SLFNL1: variants seen among roughly 807,000 people sequenced by gnomAD.
The protein encoded by SLFNL1 is schlafen-like protein 1.
A neutral mutation model predicts 32.5 loss-of-function variants in SLFNL1; 26 were observed. The observed-to-expected ratio is 0.80, with a 90% CI of 0.59 to 1.11. The LOEUF (loss-of-function observed/expected upper bound fraction) is 1.11. SLFNL1 is among the 50% of genes least tolerant of loss of function. The pLI, the probability that SLFNL1 is intolerant of heterozygous loss-of-function variation, is 0.00. For synonymous variants in SLFNL1, 255 were observed against 242.2 expected, an observed-to-expected ratio of 1.05 and a Z score of -0.49; for missense variants, 553 against 546.5, an observed-to-expected ratio of 1.01 and a Z score of -0.12.
At chr1:41,016,263 C>T (rs764564439) in intron 5 of SLFNL1, 35 bp from the exon 6 acceptor site, 102 of 1,610,086 alleles carry the variant, frequency 6.3e-5, no homozygotes, top group Non-Finnish European at 7.6e-5. Flanking sequence ...TGGCCAAGCC[C>T]GCCTGGTCTC....
chr1:41,016,991 AGCCACTGCGCCTG>A, intron 5 of SLFNL1: 1 of 417,934 alleles, frequency 2.4e-6, no homozygotes, highest in Non-Finnish European at 4.2e-6. Flanking sequence ...TACAGGCGTG[AGCCACTGCGCCTG>A]GCCACTGCAT....
In SLFNL1 at chr1:41,017,737, C is replaced by T; in HGVS notation, c.855G>A (p.Val285=). ...HRDEDRARLL[V]DSILQGFKPQ... is the part of the protein sequence containing the mutation. ...GCTTGAAGCCCTGCAGGATGGAGTC[C>T]ACCAGCAGGCGTGCGCGGTCCTCGT... Residue 285 remains valine (V), a synonymous_variant, in exon 4 of 6, where the codon GTG becomes GTA. Coordinates refer to ENST00000302946, the MANE Select transcript of SLFNL1 (RefSeq NM_144990.4). The surrounding 1 kb of genome is among the most constrained non-coding windows in gnomAD (Gnocchi z 4.9). 6.2e-7 allele frequency: 1 copy of T among 1,605,848 alleles called. No individual in the cohort carries two copies.
In SLFNL1 at chr1:41,017,215, C is replaced by G. The variant is rs999583483; in HGVS notation, c.1101+19G>C. On this transcript the variant is annotated intron_variant, in intron 5 of 5. Coordinates refer to ENST00000302946, the MANE Select transcript of SLFNL1 (RefSeq NM_144990.4). This position sits in a 1 kb window ranked among gnomAD's most constrained non-coding sequence, Gnocchi z 4.9. ...GGTCAGCTCCGCTCCACCCCACCCA[C>G]TGGCCTCAGCTTCCGTACCTGCCTG... is the stretch of plus-strand genomic sequence containing the variant. The G allele has an allele frequency of 1.9e-6, 3 of 1,542,140 alleles. No individual in the cohort carries two copies. The highest frequency in any genetic ancestry group is 1.2e-5 in the South Asian group (1 of 84,018).
In SLFNL1 at chr1:41,020,471, C is replaced by T. The variant is rs765748972; in HGVS notation, c.190G>A (p.Ala64Thr). ...LNPQFSVPVL[A>T]CLLRDTLERL... is the part of the protein sequence containing the mutation. ...TCCAGGGTGTCTCGCAGCAGGCAGG[C>T]AAGCACCGGCACTGAGAACTGGGGG... is the stretch of plus-strand genomic sequence containing the variant. Residue 64 changes from alanine (A) to threonine (T), a missense_variant, in exon 3 of 6, where the codon GCC (alanine) becomes ACC (threonine). Physicochemically the swap from Ala to Thr is moderately conservative, Grantham distance 58. Transcript: ENST00000302946. The T allele has an allele frequency of 2.0e-5, 32 of 1,613,432 alleles. No homozygotes were observed. Among genetic ancestry groups the T allele is most frequent in the Non-Finnish European group, 2.6e-5 (31 of 1,180,026 alleles).
chr1:41,016,455 G>C, intron 5 of SLFNL1: 1 of 578,008 alleles, frequency 1.7e-6, no homozygotes, highest in East Asian at 3.2e-5. Context: ...GTGCTGGGCA[G>C]GCCATGTGCC....
Position 41,015,880 on chromosome 1 carries a change from A to AAGT in SLFNL1, c.*223_*225dup. 1 of 501,650 alleles carries AAGT rather than the reference A, an allele frequency of 2.0e-6. No homozygotes were observed. The highest frequency in any genetic ancestry group is 3.2e-5 in the South Asian group (1 of 31,722). The allele number at this position is 501,650 out of a possible 1,614,324, so 31.1% of individuals were successfully genotyped here. The stretch of plus-strand genomic sequence containing the variant: ...GCAGGGTTTTACACATTCTTTCTGA[A>AAGT]AGTAAGGTCATTTGGGGACAGGGCT... On this transcript the variant is annotated 3_prime_UTR_variant, in exon 6 of 6. Coordinates refer to ENST00000302946, the MANE Select transcript of SLFNL1 (RefSeq NM_144990.4).
rs370791679 is a variant in SLFNL1, at chr1:41,016,262, C to T, written c.1102-34G>A. On this transcript the variant is annotated intron_variant, in intron 5 of 5. Transcript: ENST00000302946. ...ACATGGGAAAAGCATGTGGCCAAGC[C>T]CGCCTGGTCTCGGGCCTGTCCGTCC... is the stretch of plus-strand genomic sequence containing the variant. 6.2e-6 allele frequency: 10 copies of T among 1,611,370 alleles called. No homozygotes were observed. In the African/African-American group the frequency reaches 1.2e-4, roughly 19 times the overall value.
chr1:41,019,753 C>T lies in SLFNL1; in HGVS notation c.435+473G>A, dbSNP rs117375812. On this transcript the variant is annotated intron_variant, in intron 3 of 5. Transcript: ENST00000302946. ...TCCTGTCTTCTCTCACAGCTCTGAG[C>T]GCAGCCACCTTGCAGCTCGGTGGGT... 9.6e-4 allele frequency among the ~76,000 whole-genome samples: 146 copies of T among 152,338 alleles called. No homozygotes were observed. In the East Asian group the frequency reaches 0.014, roughly 15 times the overall value.
chr1:41,015,990 C>T lies in SLFNL1; in HGVS notation c.*116G>A, dbSNP rs995167430. Reference sequence around the variant, plus strand: ...GCTCATGTGCCATGTTGAAGGAGTCCCTGTCCGCCTCTCAGCAGCCCGCAT... The same window carrying T: ...GCTCATGTGCCATGTTGAAGGAGTCTCTGTCCGCCTCTCAGCAGCCCGCAT... On this transcript the variant is annotated 3_prime_UTR_variant, in exon 6 of 6. Coordinates refer to ENST00000302946, the MANE Select transcript of SLFNL1 (RefSeq NM_144990.4). 7.9e-6 allele frequency: 11 copies of T among 1,392,090 alleles called. No homozygotes were observed. In the African/African-American group the frequency reaches 1.3e-4, roughly 17 times the overall value. The allele number at this position is 1,392,090 out of a possible 1,614,324, so 86.2% of individuals were successfully genotyped here.
chr1:41,018,686 C>T (rs891345765), intron 3 of SLFNL1, among the ~76,000 whole-genome samples: 12 of 152,142 alleles, frequency 7.9e-5, no homozygotes, highest in Non-Finnish European at 1.5e-4. Context: ...TTCTGCGCCT[C>T]CTGAATCTCC....
At chr1:41,019,779 G>A (rs1257793717) in intron 3 of SLFNL1, among the ~76,000 whole-genome samples, 5 of 152,216 alleles carry the variant, frequency 3.3e-5, no homozygotes, top group Non-Finnish European at 7.3e-5. Flanking sequence ...CTCGGTGGGT[G>A]GCTGTCCAGC....
In SLFNL1 at chr1:41,017,969, C is replaced by A. The variant is rs761123920; in HGVS notation, c.623G>T (p.Gly208Val). The change falls in exon 4 of 6, where the codon GGC becomes GTC. Residue 208 changes from glycine (G) to valine (V), a missense_variant. Coordinates refer to ENST00000302946, the MANE Select transcript of SLFNL1 (RefSeq NM_144990.4). The surrounding 1 kb of genome is among the most constrained non-coding windows in gnomAD (Gnocchi z 4.9). ...GGCACCCTGGAAGAGCTGGTCCTTG[C>A]CCACGATCTGCTGGTGCACAATGGC... ...DSAIVHQQIV[G>V]KDQLFQGAFL... is the part of the protein sequence containing the mutation. The A allele has an allele frequency of 6.2e-7, 1 of 1,610,900 alleles. No homozygotes were observed. Among genetic ancestry groups the A allele is most frequent in the Admixed American group, 1.7e-5 (1 of 59,760 alleles).
At position 41,017,647 on chromosome 1, in the gene SLFNL1, G is replaced by A. The variant is rs576391406; in HGVS notation, c.945C>T (p.Ser315=). Residue 315 remains serine (S), a synonymous_variant, in exon 4 of 6, where the codon AGC becomes AGT. Transcript: ENST00000302946. The surrounding 1 kb of genome is among the most constrained non-coding windows in gnomAD (Gnocchi z 4.9). Reference sequence around the variant, plus strand: ...CCTGCAGGCTCACCTTGAGGGGGACGCTGGTCTCCGAGGTACTGATCACAG... The same window carrying A: ...CCTGCAGGCTCACCTTGAGGGGGACACTGGTCTCCGAGGTACTGATCACAG... The part of the protein sequence containing the change: ...FIPVISTSET[S]VPLKVIRLTV... The A allele has an allele frequency of 6.5e-6, 10 of 1,527,530 alleles. No individual in the cohort carries two copies. Among genetic ancestry groups the A allele is most frequent in the South Asian group, 1.3e-5 (1 of 77,766 alleles). The allele number at this position is 1,527,530 out of a possible 1,614,324, so 94.6% of individuals were successfully genotyped here. A position where few individuals can be genotyped will look rare whatever the true frequency, so the allele number is the denominator to read the frequency against.
chr1:41,017,065 A>G lies in SLFNL1; in HGVS notation c.1101+169T>C, dbSNP rs570733804. On this transcript the variant is annotated intron_variant, in intron 5 of 5. Transcript: ENST00000302946. This position sits in a 1 kb window ranked among gnomAD's most constrained non-coding sequence, Gnocchi z 4.9. ...GCCTCTTCCTTCCCACCAGCCACCT[A>G]CCCGCGGAGTATGGGATGTGGTGTG... 6.5e-5 allele frequency: 50 copies of G among 772,580 alleles called. No individual in the cohort carries two copies. In the African/African-American group the frequency reaches 7.6e-4, roughly 12 times the overall value. The allele number at this position is 772,580 out of a possible 1,614,324, so 47.9% of individuals were successfully genotyped here. A position where few individuals can be genotyped will look rare whatever the true frequency, so the allele number is the denominator to read the frequency against.
In SLFNL1 at chr1:41,017,015, A is replaced by T. The variant is rs1401702862; in HGVS notation, c.1101+219T>A. The T allele has an allele frequency of 5.0e-5, 26 of 517,100 alleles. No individual in the cohort carries two copies. The allele number at this position is 517,100 out of a possible 1,614,324, so 32.0% of individuals were successfully genotyped here. ...GAGCCACTGCGCCTGGCCACTGCAT[A>T]GATTTTTAAAAGGAGAGAGCTTGGG... On this transcript the variant is annotated intron_variant, in intron 5 of 5. Transcript: ENST00000302946. This position sits in a 1 kb window ranked among gnomAD's most constrained non-coding sequence, Gnocchi z 4.9.
intron 3 of SLFNL1, 159 bp from the exon 4 acceptor site, chr1:41,018,315 C>A: frequency 1.5e-6 from 1 of 662,058 alleles, no homozygotes; most frequent in Non-Finnish European, 2.3e-6. Context: ...CAGTTCTGCC[C>A]ACCCTCCTGC....
At chr1:41,018,252 C>T (rs1643517702) in intron 3 of SLFNL1, 96 bp from the exon 4 acceptor site, 3 of 1,288,502 alleles carry the variant, frequency 2.3e-6, no homozygotes, top group East Asian at 5.2e-5. Context: ...CAGGCCCCTG[C>T]TGCAGCCTGA....
intron 3 of SLFNL1, among the ~76,000 whole-genome samples, chr1:41,018,710 G>A (rs1643559400): frequency 6.6e-6 from 1 of 151,962 alleles, no homozygotes; most frequent in Non-Finnish European, 1.5e-5. Context: ...CATGGTTTGG[G>A]CTCTGCTCGA....
chr1:41,018,498 C>T (rs1558201959), intron 3 of SLFNL1: 2 of 231,634 alleles, frequency 8.6e-6, no homozygotes, highest in Non-Finnish European at 1.7e-5. Context: ...ACTTGGGTTG[C>T]AGACAGGCCC....
Sources: gnomAD v4.1 joint callset for allele counts (sites outside exome capture counted in the v4.1 genomes callset) on GRCh38, gnomAD v4.1.1 for gene constraint, Gnocchi (gnomAD v3.1) non-coding constraint, MANE v1.5 for transcripts, NCBI Gene and HGNC (gene_info 2026-07-23, HGNC 2026-07-21) for gene names.